PPARG: variants seen among roughly 807,000 people sequenced by gnomAD.
The protein encoded by PPARG is peroxisome proliferator activated receptor gamma, also known as peroxisome proliferator-activated receptor gamma.
A neutral mutation model predicts 39.2 loss-of-function variants in PPARG; 17 were observed. The ratio of observed to expected loss-of-function variants is 0.43; its 90% confidence interval spans 0.30 to 0.65. PPARG has a LOEUF of 0.65. Among genes scored for constraint, PPARG ranks in the 30% least tolerant of loss-of-function variants. The pLI is 0.13. For synonymous variants in PPARG, 223 were observed against 215.7 expected (o/e 1.03, Z -0.30); for missense variants, 406 against 585.9 (o/e 0.69, Z 3.17).
chr3:12,360,702 T>C (rs2048818183), intron 2 of PPARG, among the ~76,000 whole-genome samples: 1 of 152,174 alleles, frequency 6.6e-6, no homozygotes, highest in East Asian at 1.9e-4. Flanking sequence ...TGTTTACTCT[T>C]TTGTGTCTGG....
intron 2 of PPARG, among the ~76,000 whole-genome samples, chr3:12,377,844 A>G (rs2049473317): frequency 6.6e-6 from 1 of 152,232 alleles, no homozygotes; most frequent in East Asian, 1.9e-4. Flanking sequence ...TGTACATCTG[A>G]TATGAAGTTA....
intron 1 of PPARG, among the ~76,000 whole-genome samples, chr3:12,301,003 ACTACT>A (rs1012368481): frequency 6.6e-6 from 1 of 152,352 alleles, no homozygotes; most frequent in African/African-American, 2.4e-5. Context: ...AATTTCCTAA[ACTACT>A]CTTTAAAATA....
Position 12,379,907 on chromosome 3 carries a change from G to T in PPARG, c.196G>T (p.Asp66Tyr). 1 of 1,610,008 alleles carries T rather than the reference G, an allele frequency of 6.2e-7. No individual in the cohort carries two copies. The highest frequency in any genetic ancestry group is 1.1e-5 in the South Asian group (1 of 90,992). The change falls in exon 3 of 8, where the codon GAC (aspartate) becomes TAC (tyrosine). Residue 66 changes from aspartate to tyrosine, a missense_variant. Coordinates refer to ENST00000651735, the MANE Select transcript of PPARG (RefSeq NM_138711.6). ...TCCAGTGGTTGCAGATTACAAGTAT[G>T]ACCTGAAACTTCAAGAGTACCAAAG... ...TDPVVADYKY[D>Y]LKLQEYQSAI...
chr3:12,431,932 C>CAA lies in PPARG; in HGVS notation c.1181-1957_1181-1956dup, dbSNP rs1239665489. On this transcript the variant is annotated intron_variant, in intron 7 of 7. Coordinates refer to ENST00000651735, the MANE Select transcript of PPARG (RefSeq NM_138711.6). ...TGGGCAACAGATTAAGACTCTGTCA[C>CAA]AAAAAAAAAAGCGTTAAGTTAAGGA... Among the ~76,000 whole-genome samples, 100 of 138,944 alleles carry CAA rather than the reference C, an allele frequency of 7.2e-4. 2 individuals are homozygous for CAA. The highest frequency in any genetic ancestry group is 5.0e-3 in the Admixed American group (71 of 14,082). 91.2% of individuals were successfully genotyped at this position (138,944 alleles called of 152,430 possible). A position where few individuals can be genotyped will look rare whatever the true frequency, so the allele number is the denominator to read the frequency against.
intron 2 of PPARG, among the ~76,000 whole-genome samples, chr3:12,361,295 T>C (rs2048838994): frequency 1.3e-5 from 2 of 152,248 alleles, no homozygotes; most frequent in South Asian, 4.1e-4. Flanking sequence ...ATACATGTAT[T>C]GTAAATATCT....
intron 7 of PPARG, among the ~76,000 whole-genome samples, chr3:12,432,640 A>G (rs748455017): frequency 7.2e-5 from 11 of 152,216 alleles, no homozygotes; most frequent in Non-Finnish European, 5.9e-5. Context: ...TAGCCAACAC[A>G]CTATGGCAAG....
In PPARG at chr3:12,433,933, G is replaced by T; in HGVS notation, c.1216G>T (p.Asp406Tyr). 6.2e-7 allele frequency: 1 copy of T among 1,614,220 alleles called. No homozygotes were observed. Among genetic ancestry groups the T allele is most frequent in the Non-Finnish European group, 8.5e-7 (1 of 1,180,028 alleles). ...TTTGCTGAATGTGAAGCCCATTGAA[G>T]ACATTCAAGACAACCTGCTACAAGC... ...PGLLNVKPIE[D>Y]IQDNLLQALE... Residue 406 changes from aspartate to tyrosine, a missense_variant, in exon 8 of 8, where the codon GAC (aspartate) becomes TAC (tyrosine). By Grantham distance (160) the Asp-to-Tyr change is radical. This residue lies in a region of PPARG where 275 missense variants were observed against 458.0 expected (regional missense o/e 0.60). Coordinates refer to ENST00000651735, the MANE Select transcript of PPARG (RefSeq NM_138711.6).
chr3:12,364,709 G>A (rs969722346), intron 2 of PPARG, among the ~76,000 whole-genome samples: 2 of 152,138 alleles, frequency 1.3e-5, no homozygotes, highest in African/African-American at 4.8e-5. Flanking sequence ...AGCATTTGGT[G>A]GTGTTAGTGT....
chr3:12,310,422 T>C (rs1470351747), intron 1 of PPARG, among the ~76,000 whole-genome samples: 2 of 151,580 alleles, frequency 1.3e-5, no homozygotes, highest in Non-Finnish European at 2.9e-5. Flanking sequence ...GTTTTTTAGA[T>C]TAAAATTTTT....
intron 2 of PPARG, among the ~76,000 whole-genome samples, chr3:12,372,709 A>G (rs761059856): frequency 2.6e-5 from 4 of 152,172 alleles, no homozygotes; most frequent in Non-Finnish European, 5.9e-5. Context: ...TTTCCAACCC[A>G]CTTCCATACT....
At chr3:12,416,599 A>T in intron 6 of PPARG, 105 bp from the exon 7 acceptor site, 1 of 1,076,950 alleles carries the variant, frequency 9.3e-7, no homozygotes, top group Non-Finnish European at 1.4e-6. Context: ...TAAAGATTTT[A>T]GTTAGCAAAG....
rs577634713 is a variant in PPARG, at chr3:12,428,269, A to G, written c.1181-5629A>G. ...CATAATCCACAGTGCTCTGTAATCAATTCCAGGACCGTGTGGATGGAGACC... is the reference window on the plus strand; with the variant it reads ...CATAATCCACAGTGCTCTGTAATCAGTTCCAGGACCGTGTGGATGGAGACC... On this transcript the variant is annotated intron_variant, in intron 7 of 7. Transcript: ENST00000651735. 5.3e-5 allele frequency among the ~76,000 whole-genome samples: 8 copies of G among 152,368 alleles called. No homozygotes were observed. The East Asian group carries it at 1.3e-3, about 26-fold the overall frequency.
intron 5 of PPARG, among the ~76,000 whole-genome samples, chr3:12,399,997 AAAATTTTAAAG>A (rs2050415760): frequency 6.6e-6 from 1 of 152,050 alleles, no homozygotes; most frequent in Non-Finnish European, 1.5e-5. Flanking sequence ...AAAAAAAAAA[AAAATTTTAAAG>A]AGAGATGGGA....
chr3:12,370,207 G>A (rs2049159987), intron 2 of PPARG, among the ~76,000 whole-genome samples: 1 of 151,968 alleles, frequency 6.6e-6, no homozygotes, highest in African/African-American at 2.4e-5. Context: ...TTGAATTTTG[G>A]CAACATTGTT....
intron 7 of PPARG, 150 bp downstream of exon 7, chr3:12,417,304 CT>C: frequency 2.4e-6 from 2 of 843,582 alleles, no homozygotes; most frequent in Non-Finnish European, 3.8e-6. Context: ...GTGCAAAACA[CT>C]GTACCAAGAA....
chr3:12,396,011 G>A (rs2050244032), intron 5 of PPARG, among the ~76,000 whole-genome samples: 1 of 152,038 alleles, frequency 6.6e-6, no homozygotes, highest in African/African-American at 2.4e-5. Flanking sequence ...TTAGTCAAAT[G>A]GGCTCTTGCA....
intron 2 of PPARG, among the ~76,000 whole-genome samples, chr3:12,335,217 G>A (rs1237925888): frequency 1.3e-5 from 2 of 152,170 alleles, no homozygotes; most frequent in Non-Finnish European, 1.5e-5. Flanking sequence ...TGCCTTAGGT[G>A]GTGTTTACAG....
At chr3:12,334,275 G>A (rs1299465517) in intron 2 of PPARG, among the ~76,000 whole-genome samples, 1 of 148,498 alleles carries the variant, frequency 6.7e-6, no homozygotes, top group African/African-American at 2.5e-5. Flanking sequence ...CTGTGACCCT[G>A]GCTGGAGTGC....
Position 12,392,674 on chromosome 3 carries a change from C to A in PPARG, c.451C>A (p.Arg151=). The A allele has an allele frequency of 3.1e-6, 5 of 1,613,736 alleles. No individual in the cohort carries two copies. Among genetic ancestry groups the A allele is most frequent in the Non-Finnish European group, 4.2e-6 (5 of 1,179,762 alleles). ...LIYDRCDLNC[R]IHKKSRNKCQ... is the part of the protein sequence containing the mutation. ...CTATGACAGATGTGATCTTAACTGT[C>A]GGATCCACAAAAAAAGTAGAAATAA... The change falls in exon 5 of 8, where the codon CGG becomes AGG. Residue 151 remains arginine (R), a synonymous_variant. Transcript: ENST00000651735.
Sources: allele counts gnomAD v4.1 joint callset (sites outside exome capture counted in the v4.1 genomes callset), GRCh38; gene constraint gnomAD v4.1.1; regional missense constraint gnomAD v4.1.1; transcripts MANE v1.5; gene names NCBI Gene and HGNC (gene_info 2026-07-23, HGNC 2026-07-21).